Variants in RSF1 observed in about 807,000 individuals in gnomAD.
RSF1 encodes the protein remodeling and spacing factor 1.
A neutral mutation model predicts 145.2 loss-of-function variants in RSF1; 13 were observed. That is an observed-to-expected ratio of 0.09 (90% CI 0.06 to 0.14). The LOEUF (loss-of-function observed/expected upper bound fraction) is 0.14. Ranked by LOEUF, RSF1 falls within the 10% of genes least tolerant of loss-of-function variation. The pLI is 1.00. For synonymous variants in RSF1, 577 were observed against 592.6 expected, an observed-to-expected ratio of 0.97 and a Z score of 0.38; for missense variants, 1,517 against 1,718.2, an observed-to-expected ratio of 0.88 and a Z score of 2.07.
chr11:77,735,627 T>TA (rs1406925783), intron 4 of RSF1, among the ~76,000 whole-genome samples: 4 of 152,222 alleles, frequency 2.6e-5, no homozygotes, highest in Non-Finnish European at 5.9e-5. Context: ...AATTTACTAG[T>TA]AAAAAATAAT....
At chr11:77,863,225 C>A in the RSF1 span, among the ~76,000 whole-genome samples, 4 of 152,254 alleles carry the variant, frequency 2.6e-5, no homozygotes, top group Admixed American at 2.0e-4. Context: ...CTTAGCCATG[C>A]AGGAACAATG....
At chr11:77,824,374 A>T (rs1377836951), upstream of RSF1, among the ~76,000 whole-genome samples, 1 of 152,248 alleles carries the variant, frequency 6.6e-6, no homozygotes, top group Non-Finnish European at 1.5e-5. Context: ...ACTTGGTTCA[A>T]CTTTGTTTAT....
chr11:77,753,804 C>T (rs774349298), intron 2 of RSF1, among the ~76,000 whole-genome samples: 1 of 152,180 alleles, frequency 6.6e-6, no homozygotes, highest in Non-Finnish European at 1.5e-5. Flanking sequence ...CTAAGATTGG[C>T]CTTTTAAGAG....
At chr11:77,697,981 T>A (rs756024989) in intron 7 of RSF1, among the ~76,000 whole-genome samples, 1 of 152,170 alleles carries the variant, frequency 6.6e-6, no homozygotes, top group East Asian at 1.9e-4. Flanking sequence ...TTCAAAAATA[T>A]CATTATAAAG....
intron 7 of RSF1, among the ~76,000 whole-genome samples, chr11:77,695,595 G>A (rs952287484): frequency 6.6e-6 from 1 of 151,122 alleles, no homozygotes; most frequent in Non-Finnish European, 1.5e-5. Flanking sequence ...TTTTTTTTAA[G>A]TACTTCCTTA....
In RSF1 at chr11:77,667,219, G is replaced by A. The variant is rs780828860; in HGVS notation, c.4024C>T (p.Arg1342Trp). 6 of 1,614,152 alleles carry A rather than the reference G, an allele frequency of 3.7e-6. No homozygotes were observed. The highest frequency in any genetic ancestry group is 2.2e-5 in the South Asian group (2 of 91,076). The part of the protein sequence containing the change: ...SEQESTKKPY[R>W]IESDEEEDFE... ...TCCTCTTCCTCATCACTTTCTATCC[G>A]GTAGGGCTTCTTGGTGCTCTCTTGT... is the stretch of plus-strand genomic sequence containing the variant. The change falls in exon 16 of 16, where the codon CGG becomes TGG. Residue 1342 changes from arginine (R) to tryptophan (W), a missense_variant. Coordinates refer to ENST00000308488, the MANE Select transcript of RSF1 (RefSeq NM_016578.4).
chr11:77,694,290 T>A (rs1337905194), intron 7 of RSF1, among the ~76,000 whole-genome samples: 3 of 152,134 alleles, frequency 2.0e-5, no homozygotes, highest in African/African-American at 7.2e-5. Flanking sequence ...ACAAAAAATT[T>A]CCATTTTAAA....
At chr11:77,764,486 G>T in intron 2 of RSF1, 112 bp downstream of exon 2, 1 of 665,486 alleles carries the variant, frequency 1.5e-6, no homozygotes. Flanking sequence ...TGGAGCCATA[G>T]TCTTACTTTT....
intron 1 of RSF1, among the ~76,000 whole-genome samples, chr11:77,793,229 C>T (rs1948538073): frequency 6.6e-6 from 1 of 152,130 alleles, no homozygotes; most frequent in African/African-American, 2.4e-5. Context: ...CCTGTAATCC[C>T]AGCACTTTAA....
chr11:77,700,350 A>C (rs7125010), intron 6 of RSF1, among the ~76,000 whole-genome samples: 113 of 29,858 alleles, frequency 3.8e-3, no homozygotes, highest in African/African-American at 0.022. Flanking sequence ...ACTGTCTCAC[A>C]AAAAAAAAAA....
At chr11:77,802,417 C>T (rs1948634946) in intron 1 of RSF1, among the ~76,000 whole-genome samples, 1 of 152,172 alleles carries the variant, frequency 6.6e-6, no homozygotes, top group Non-Finnish European at 1.5e-5. Flanking sequence ...AATTTTAATA[C>T]ACCCACTTGG....
chr11:77,775,405 C>T lies in RSF1; in HGVS notation c.188-10716G>A, dbSNP rs555482660. Among the ~76,000 whole-genome samples, 9 of 152,094 alleles carry T rather than the reference C, an allele frequency of 5.9e-5. No homozygotes were observed. The South Asian group carries it at 1.7e-3, about 28-fold the overall frequency. On this transcript the variant is annotated intron_variant, in intron 1 of 15. Transcript: ENST00000308488. ...TGGGTTGTTCAGAGCACTGTGGGAGCGAACAGGTGATATCACTAACCGAAG... is the reference window on the plus strand; with the variant it reads ...TGGGTTGTTCAGAGCACTGTGGGAGTGAACAGGTGATATCACTAACCGAAG...
intron 1 of RSF1, among the ~76,000 whole-genome samples, chr11:77,802,146 C>T (rs1948632320): frequency 6.6e-6 from 1 of 152,162 alleles, no homozygotes; most frequent in Non-Finnish European, 1.5e-5. Flanking sequence ...CATCTGGCTG[C>T]TCGTTTATAA....
At chr11:77,778,422 A>C (rs1178534261) in intron 1 of RSF1, among the ~76,000 whole-genome samples, 1 of 152,100 alleles carries the variant, frequency 6.6e-6, no homozygotes, top group Non-Finnish European at 1.5e-5. Flanking sequence ...AATCTTTTAC[A>C]CTGCTGTTGG....
the RSF1 span, among the ~76,000 whole-genome samples, chr11:77,830,676 G>A: frequency 6.6e-6 from 1 of 151,712 alleles, no homozygotes; most frequent in Admixed American, 6.6e-5. Context: ...GTTACACAGT[G>A]GCACCCCAAA....
chr11:77,800,770 G>A (rs923832281), intron 1 of RSF1, among the ~76,000 whole-genome samples: 1 of 152,176 alleles, frequency 6.6e-6, no homozygotes, highest in Non-Finnish European at 1.5e-5. Context: ...GCTGAGATGG[G>A]AAGACAGCTT....
intron 13 of RSF1, among the ~76,000 whole-genome samples, chr11:77,676,297 G>A (rs1207452161): frequency 6.8e-6 from 1 of 147,822 alleles, no homozygotes; most frequent in Non-Finnish European, 1.5e-5. Flanking sequence ...TTTTTTTGTG[G>A]TTTATATACT....
chr11:77,783,443 T>C (rs547217067), intron 1 of RSF1, among the ~76,000 whole-genome samples: 3 of 152,360 alleles, frequency 2.0e-5, no homozygotes, highest in Admixed American at 2.0e-4. Flanking sequence ...ACATATTCTC[T>C]GGTTTTACCT....
intron 2 of RSF1, among the ~76,000 whole-genome samples, chr11:77,757,179 T>C (rs1381032178): frequency 6.6e-6 from 1 of 152,214 alleles, no homozygotes; most frequent in Non-Finnish European, 1.5e-5. Context: ...TGAATGATTA[T>C]GGCATGTTCT....
Sources: allele counts gnomAD v4.1 joint callset (sites outside exome capture counted in the v4.1 genomes callset), GRCh38; gene constraint gnomAD v4.1.1; transcripts MANE v1.5; gene names NCBI Gene and HGNC (gene_info 2026-07-23, HGNC 2026-07-21).